GORASP2: variants seen among roughly 807,000 people sequenced by gnomAD.
The protein encoded by GORASP2 is Golgi reassembly-stacking protein 2.
GORASP2 carries 22 observed loss-of-function variants against 45.7 expected under a neutral mutation model. The observed-to-expected ratio is 0.48, with a 90% confidence interval of 0.34 to 0.69. The LOEUF is 0.69. Ranked by LOEUF, GORASP2 falls within the 30% of genes least tolerant of loss-of-function variation. The probability of loss-of-function intolerance (pLI) is 0.01; values close to 1 mark genes in which losing one functional copy is unlikely to be tolerated. For missense variants in GORASP2, 491 were observed against 562.7 expected (o/e 0.87, Z 1.29); for synonymous variants, 221 against 215.6 (o/e 1.02, Z -0.22).
At position 170,966,131 on chromosome 2, in the gene GORASP2, C is replaced by A; in HGVS notation, c.*1C>A. On this transcript the variant is annotated 3_prime_UTR_variant, in exon 10 of 10. Transcript: ENST00000234160. ...TGCCAATGCTTCTGAGTCACCTTAA[C>A]TTTGAACCATTCTTTGGAATTGGCG... 2 of 1,607,420 alleles carry A rather than the reference C, an allele frequency of 1.2e-6. No homozygotes were observed. Among genetic ancestry groups the A allele is most frequent in the East Asian group, 4.5e-5 (2 of 44,864 alleles).
chr2:170,962,409 ACTT>A, intron 8 of GORASP2, among the ~76,000 whole-genome samples: 1 of 152,192 alleles, frequency 6.6e-6, no homozygotes, highest in Non-Finnish European at 1.5e-5. Flanking sequence ...TCTTTTTACT[ACTT>A]TTGCAACTGT....
chr2:170,949,219 C>T (rs1704242437), intron 2 of GORASP2, among the ~76,000 whole-genome samples: 1 of 152,196 alleles, frequency 6.6e-6, no homozygotes, highest in African/African-American at 2.4e-5. Flanking sequence ...GTCATCACAA[C>T]TTCGTTAGTA....
At position 170,936,654 on chromosome 2, in the gene GORASP2, C is replaced by T. The variant is rs1269631475; in HGVS notation, c.63+7251C>T. On this transcript the variant is annotated intron_variant, in intron 1 of 9. Coordinates refer to ENST00000234160, the MANE Select transcript of GORASP2 (RefSeq NM_015530.5). ...ATGAGAGAAGGCTCAAGCACATTGT[C>T]AGAAATAAGGAAGCTTAAGCCGGGC... 2.3e-6 allele frequency: 3 copies of T among 1,299,402 alleles called. No individual in the cohort carries two copies. In the East Asian group the frequency reaches 1.7e-4, roughly 72 times the overall value. The allele number at this position is 1,299,402 out of a possible 1,614,324, so 80.5% of individuals were successfully genotyped here.
intron 4 of GORASP2, 52 bp downstream of exon 4, chr2:170,950,342 G>A: frequency 1.2e-6 from 1 of 853,100 alleles, no homozygotes; most frequent in Non-Finnish European, 1.8e-6. Flanking sequence ...TTCTCATTGA[G>A]GTTTGAGTTG....
intron 2 of GORASP2, 162 bp from the exon 3 acceptor site, chr2:170,949,377 C>T (rs1214384175): frequency 1.7e-6 from 1 of 574,104 alleles, no homozygotes; most frequent in Non-Finnish European, 3.1e-6. Context: ...TTCTTAATTT[C>T]TTGACATTCT....
At chr2:170,954,542 G>C (rs1704376669) in intron 5 of GORASP2, 108 bp from the exon 6 acceptor site, 1 of 787,510 alleles carries the variant, frequency 1.3e-6, no homozygotes, top group Admixed American at 2.6e-5. Flanking sequence ...GCATGTTCAG[G>C]GCAACTTGAA....
At chr2:170,929,222 G>A, upstream of GORASP2, 2 of 750,964 alleles carry the variant, frequency 2.7e-6, no homozygotes, top group Non-Finnish European at 1.9e-6. Context: ...TGTGCGGCCC[G>A]GCTCTCCGGC....
In GORASP2 at chr2:170,962,881, T is replaced by G. The variant is rs1381966145; in HGVS notation, c.953T>G (p.Leu318Arg). The G allele has an allele frequency of 6.2e-7, 1 of 1,613,564 alleles. No homozygotes were observed. The highest frequency in any genetic ancestry group is 8.5e-7 in the Non-Finnish European group (1 of 1,179,612). Residue 318 changes from leucine to arginine, a missense_variant, in exon 9 of 10, where the codon CTC (leucine) becomes CGC (arginine). Coordinates refer to ENST00000234160, the MANE Select transcript of GORASP2 (RefSeq NM_015530.5). The stretch of plus-strand genomic sequence containing the variant: ...GCAGGACTGCCCAACCTCCCCAACC[T>G]CAACCTCAACCTCCCAGCACCACAC... ...LPAGLPNLPN[L>R]NLNLPAPHIM...
intron 1 of GORASP2, among the ~76,000 whole-genome samples, chr2:170,934,332 A>G (rs979296044): frequency 2.6e-5 from 4 of 151,452 alleles, no homozygotes; most frequent in Non-Finnish European, 4.4e-5. Context: ...CTGGAGTACA[A>G]TGGCGCATCT....
chr2:170,963,128 T>TGA, intron 9 of GORASP2, among the ~76,000 whole-genome samples, 182 bp downstream of exon 9: 1 of 152,272 alleles, frequency 6.6e-6, no homozygotes, highest in South Asian at 2.1e-4. Context: ...ATCCCAGCAC[T>TGA]TTGGGAGGCC....
chr2:170,961,578 G>A (rs1488462914), intron 7 of GORASP2, 85 bp from the exon 8 acceptor site: 1 of 800,160 alleles, frequency 1.2e-6, no homozygotes, highest in Non-Finnish European at 2.3e-6. Context: ...GGGGCAAGGA[G>A]GGACTGCAGA....
At chr2:170,946,641 T>A (rs1704186398) in intron 1 of GORASP2, among the ~76,000 whole-genome samples, 1 of 151,920 alleles carries the variant, frequency 6.6e-6, no homozygotes. Context: ...AGTTTCAAGA[T>A]GGACTTTTGG....
rs1704689636 is a variant in GORASP2, at chr2:170,966,425, A to G, written c.*295A>G. ...TCCTGGGGGTGTGCATCTTCGGGAA[A>G]GGTGGTGGCGGGGCGTCCACTAGGT... is the stretch of plus-strand genomic sequence containing the variant. On this transcript the variant is annotated 3_prime_UTR_variant, in exon 10 of 10. Transcript: ENST00000234160. 1 of 466,314 alleles carries G rather than the reference A, an allele frequency of 2.1e-6. No homozygotes were observed. The highest frequency in any genetic ancestry group is 4.4e-5 in the East Asian group (1 of 22,846). 28.9% of individuals were successfully genotyped at this position (466,314 alleles called of 1,614,324 possible).
At chr2:170,950,120 C>G (rs893414169) in intron 3 of GORASP2, 84 bp from the exon 4 acceptor site, 5 of 678,176 alleles carry the variant, frequency 7.4e-6, no homozygotes, top group African/African-American at 1.9e-5. Context: ...TTTAAAAAAT[C>G]AACATAATTA....
chr2:170,965,849 C>T lies in GORASP2; in HGVS notation c.1078C>T (p.Leu360=), dbSNP rs148220303. ...RNLPGIAPLP[L]PSEFLPSFPL... is the part of the protein sequence containing the mutation. ...CTTACCTGGCATTGCACCTCTCCCC[C>T]TGCCATCCGAGTTCCTCCCGTCATT... Residue 360 remains leucine (L), a synonymous_variant, in exon 10 of 10, where the codon CTG becomes TTG. Coordinates refer to ENST00000234160, the MANE Select transcript of GORASP2 (RefSeq NM_015530.5). 3.4e-4 allele frequency: 552 copies of T among 1,614,072 alleles called. 5 individuals are homozygous for T. The African/African-American group carries it at 6.9e-3, about 20-fold the overall frequency.
intron 1 of GORASP2, among the ~76,000 whole-genome samples, chr2:170,937,141 G>T (rs1226266684): frequency 1.3e-5 from 2 of 151,892 alleles, no homozygotes; most frequent in Non-Finnish European, 2.9e-5. Context: ...CCTGGAGGTG[G>T]AGGTTGCAGT....
In GORASP2 at chr2:170,966,125, C is replaced by A. The variant is rs748844462; in HGVS notation, c.1354C>A (p.Pro452Thr). 6.2e-7 allele frequency: 1 copy of A among 1,610,804 alleles called. No homozygotes were observed. The highest frequency in any genetic ancestry group is 1.7e-4 in the Middle Eastern group (1 of 6,052). Residue 452 changes from proline to threonine, a missense_variant, in exon 10 of 10, where the codon CCT becomes ACT. Transcript: ENST00000234160. ...AAVDANASESP is the reference protein window; with the variant it reads ...AAVDANASEST ...TGTGGATGCCAATGCTTCTGAGTCA[C>A]CTTAACTTTGAACCATTCTTTGGAA...
chr2:170,957,704 A>T lies in GORASP2; in HGVS notation c.823+1145A>T, dbSNP rs557352641. Among the ~76,000 whole-genome samples, 8 of 152,366 alleles carry T rather than the reference A, an allele frequency of 5.3e-5. No individual in the cohort carries two copies. In the East Asian group the frequency reaches 1.5e-3, roughly 29 times the overall value. ...ACCATACAATTCACCTGCTTAAAGT[A>T]TACAATCCAGTGTTTTTTTAGTGTA... On this transcript the variant is annotated intron_variant, in intron 7 of 9. Transcript: ENST00000234160.
At chr2:170,958,062 C>T (rs1704469657) in intron 7 of GORASP2, among the ~76,000 whole-genome samples, 1 of 152,146 alleles carries the variant, frequency 6.6e-6, no homozygotes, top group Admixed American at 6.6e-5. Context: ...TACCAAGATG[C>T]AGTAGTAAGG....
Sources: allele counts gnomAD v4.1 joint callset (sites outside exome capture counted in the v4.1 genomes callset), GRCh38; gene constraint gnomAD v4.1.1; transcripts MANE v1.5; gene names NCBI Gene and HGNC (gene_info 2026-07-23, HGNC 2026-07-21).